The following SLC6A6 variants were observed in gnomAD, a reference collection of about 807,000 sequenced individuals.
SLC6A6 encodes the protein sodium- and chloride-dependent taurine transporter.
A neutral mutation model predicts 68.8 loss-of-function variants in SLC6A6; 16 were observed. That is an observed-to-expected ratio of 0.23 (90% CI 0.16 to 0.35). The LOEUF is 0.35. SLC6A6 is among the 10% of genes least tolerant of loss of function. The pLI is 1.00. For missense variants in SLC6A6, 474 were observed against 802.8 expected (o/e 0.59, Z 4.95); for synonymous variants, 312 against 315.4 (o/e 0.99, Z 0.12).
At chr3:14,421,752 C>G (rs1337010959) in intron 2 of SLC6A6, among the ~76,000 whole-genome samples, 1 of 152,138 alleles carries the variant, frequency 6.6e-6, no homozygotes, top group African/African-American at 2.4e-5. Flanking sequence ...AACTGGGGCT[C>G]AGGAAGGCAG....
chr3:14,435,484 G>A (rs934679082), intron 2 of SLC6A6, among the ~76,000 whole-genome samples: 5 of 152,202 alleles, frequency 3.3e-5, no homozygotes, highest in African/African-American at 7.2e-5. Flanking sequence ...ATGCTGAAAC[G>A]ATTTCCTCAA....
chr3:14,476,059 G>A (rs1324343788), intron 10 of SLC6A6, among the ~76,000 whole-genome samples: 1 of 152,234 alleles, frequency 6.6e-6, no homozygotes, highest in Non-Finnish European at 1.5e-5. Context: ...TCAGATGAAA[G>A]GACATCTGGG....
At chr3:14,465,391 G>A (rs115265977) in intron 6 of SLC6A6, among the ~76,000 whole-genome samples, 2,547 of 152,314 alleles carry the variant, frequency 0.017, 80 homozygotes, top group African/African-American at 0.058. Context: ...GTGAAGCGGG[G>A]AGCCTTTCCT....
At position 14,472,342 on chromosome 3, in the gene SLC6A6, G is replaced by T. The variant is rs1394603802; in HGVS notation, c.1209+25G>T. On this transcript the variant is annotated intron_variant, in intron 10 of 14. Transcript: ENST00000622186. This position sits in a 1 kb window ranked among gnomAD's most constrained non-coding sequence, Gnocchi z 4.5. ...GGTGCGTATAAGGGATGGCCCTGGG[G>T]CGACTGCCCCTGTGGGGAACCTGAC... The T allele has an allele frequency of 2.1e-6, 3 of 1,416,004 alleles. No homozygotes were observed. The African/African-American group carries it at 4.2e-5, about 20-fold the overall frequency. The allele number at this position is 1,416,004 out of a possible 1,614,324, so 87.7% of individuals were successfully genotyped here. A position where few individuals can be genotyped will look rare whatever the true frequency, so the allele number is the denominator to read the frequency against.
chr3:14,444,594 G>A, intron 3 of SLC6A6: 2 of 387,730 alleles, frequency 5.2e-6, no homozygotes, highest in South Asian at 3.8e-5. Flanking sequence ...GAACCGGATA[G>A]GGAGGAACTG....
intron 14 of SLC6A6, among the ~76,000 whole-genome samples, chr3:14,484,087 G>A (rs1701077836): frequency 6.6e-6 from 1 of 152,310 alleles, no homozygotes; most frequent in Middle Eastern, 3.4e-3. Flanking sequence ...TCAACTGCTG[G>A]CCTATTCAAG....
Position 14,423,345 on chromosome 3 carries a change from T to A in SLC6A6, c.-12+6892T>A, listed in dbSNP as rs186622023. Among the ~76,000 whole-genome samples the A allele has an allele frequency of 2.0e-5, 3 of 152,302 alleles. No homozygotes were observed. The East Asian group carries it at 5.8e-4, about 29-fold the overall frequency. On this transcript the variant is annotated intron_variant, in intron 2 of 14. Transcript: ENST00000622186. ...TGAGTGTGAGACACTCACACATGAA[T>A]GTTGTGAGACAACATTCATTCACTT...
At chr3:14,462,533 A>G (rs1432236676) in intron 6 of SLC6A6, among the ~76,000 whole-genome samples, 1 of 152,202 alleles carries the variant, frequency 6.6e-6, no homozygotes, top group Non-Finnish European at 1.5e-5. Flanking sequence ...CCCTGTTTCT[A>G]CTAAAAAATA....
intron 10 of SLC6A6, among the ~76,000 whole-genome samples, chr3:14,474,518 G>A (rs1193442130): frequency 6.6e-6 from 1 of 152,102 alleles, no homozygotes; most frequent in Non-Finnish European, 1.5e-5. Flanking sequence ...ATTCAACACT[G>A]ACTCCTAACT....
Position 14,447,746 on chromosome 3 carries a change from C to T in SLC6A6, c.529C>T (p.Arg177Cys), listed in dbSNP as rs767489625. The T allele has an allele frequency of 8.7e-6, 14 of 1,614,096 alleles. No homozygotes were observed. The highest frequency in any genetic ancestry group is 1.7e-5 in the Admixed American group (1 of 60,002). The change falls in exon 5 of 15, where the codon CGC becomes TGC. Residue 177 changes from arginine to cysteine, a missense_variant. Arg to Cys is a radical substitution (Grantham distance 180, BLOSUM62 -3). Transcript: ENST00000622186. ...NTPHCMEDTM[R>C]KNKSVWITIS... ...ACCTCACTGCATGGAGGACACCATG[C>T]GCAAGAACAAGAGTGTCTGGATCAC... is the stretch of plus-strand genomic sequence containing the variant.
At position 14,468,488 on chromosome 3, in the gene SLC6A6, G is replaced by A. The variant is rs1368500746; in HGVS notation, c.1096+276G>A. 6.6e-6 allele frequency among the ~76,000 whole-genome samples: 1 copy of A among 151,278 alleles called. No homozygotes were observed. Among genetic ancestry groups the A allele is most frequent in the Admixed American group, 6.6e-5 (1 of 15,200 alleles). On this transcript the variant is annotated intron_variant, in intron 9 of 14. Transcript: ENST00000622186. The surrounding 1 kb of genome is among the most constrained non-coding windows in gnomAD (Gnocchi z 4.5). ...TAGCTACCTTAGTGTGGTCTTCCCC[G>A]CCCCCCCGTCCTTCCCCAGCAAACT... is the stretch of plus-strand genomic sequence containing the variant.
chr3:14,458,142 C>G (rs1031043943), intron 6 of SLC6A6, 60 bp downstream of exon 6: 5 of 1,505,982 alleles, frequency 3.3e-6, no homozygotes, highest in Non-Finnish European at 4.6e-6. Context: ...CTGGCCCTCT[C>G]CCCCACTTCC....
At chr3:14,448,049 G>C (rs1700170571) in intron 5 of SLC6A6, 3 of 1,252,326 alleles carry the variant, frequency 2.4e-6, no homozygotes, top group African/African-American at 1.5e-5. Context: ...CTGAGCCTCA[G>C]TTTCTTTACC....
At chr3:14,421,749 G>A (rs1329012484) in intron 2 of SLC6A6, among the ~76,000 whole-genome samples, 1 of 152,172 alleles carries the variant, frequency 6.6e-6, no homozygotes, top group Non-Finnish European at 1.5e-5. Context: ...GAAAACTGGG[G>A]CTCAGGAAGG....
At chr3:14,436,663 G>A (rs1407771660) in intron 2 of SLC6A6, among the ~76,000 whole-genome samples, 1 of 147,622 alleles carries the variant, frequency 6.8e-6, no homozygotes, top group Non-Finnish European at 1.5e-5. Context: ...CCTGCTCACT[G>A]AGCCTGTACC....
chr3:14,446,011 A>T (rs1447398914), intron 4 of SLC6A6, among the ~76,000 whole-genome samples, 160 bp downstream of exon 4: 1 of 152,232 alleles, frequency 6.6e-6, no homozygotes, highest in Non-Finnish European at 1.5e-5. Context: ...TGTGATGCGG[A>T]TGCTGCTGCT....
chr3:14,421,703 G>A (rs749504526), intron 2 of SLC6A6, among the ~76,000 whole-genome samples: 1 of 152,212 alleles, frequency 6.6e-6, no homozygotes, highest in African/African-American at 2.4e-5. Flanking sequence ...ACATCATCTT[G>A]TAGGGTAGTT....
At chr3:14,419,727 A>G (rs935228961) in intron 2 of SLC6A6, among the ~76,000 whole-genome samples, 1 of 152,160 alleles carries the variant, frequency 6.6e-6, no homozygotes, top group African/African-American at 2.4e-5. Flanking sequence ...TTAAGTGTGC[A>G]AAAGGCCTAG....
rs942083035 is a variant in SLC6A6, at chr3:14,450,125, G to C, written c.599+2309G>C. Among the ~76,000 whole-genome samples, 2 of 152,028 alleles carry C rather than the reference G, an allele frequency of 1.3e-5. No individual in the cohort carries two copies. The highest frequency in any genetic ancestry group is 1.5e-5 in the Non-Finnish European group (1 of 68,010). On this transcript the variant is annotated intron_variant, in intron 5 of 14. Coordinates refer to ENST00000622186, the MANE Select transcript of SLC6A6 (RefSeq NM_003043.6). This position sits in a 1 kb window ranked among gnomAD's most constrained non-coding sequence, Gnocchi z 4.1. ...TCAGGGCAGTTTCTTTGTGTGTTATGAACTTAAAGAATCACCCCCTATTGT... is the reference window on the plus strand; with the variant it reads ...TCAGGGCAGTTTCTTTGTGTGTTATCAACTTAAAGAATCACCCCCTATTGT...
Sources: allele counts gnomAD v4.1 joint callset (sites outside exome capture counted in the v4.1 genomes callset), GRCh38; gene constraint gnomAD v4.1.1; non-coding constraint Gnocchi (gnomAD v3.1); transcripts MANE v1.5; gene names NCBI Gene and HGNC (gene_info 2026-07-23, HGNC 2026-07-21).